RBPMS: variants seen among roughly 807,000 people sequenced by gnomAD.
RBPMS encodes RNA binding protein, mRNA processing factor.
Under a neutral mutation model 26.8 loss-of-function variants are expected in RBPMS, and 7 were observed. That is an observed-to-expected ratio of 0.26 (90% confidence interval 0.15 to 0.49). RBPMS has a LOEUF of 0.49. RBPMS is among the 20% of genes least tolerant of loss of function. The pLI is 0.98. For synonymous variants in RBPMS, 96 were observed against 93.3 expected (o/e 1.03, Z -0.17); for missense variants, 186 against 250.0 (o/e 0.74, Z 1.73).
intron 1 of RBPMS, among the ~76,000 whole-genome samples, chr8:30,420,773 C>A (rs1293439521): frequency 6.6e-6 from 1 of 152,174 alleles, no homozygotes; most frequent in African/African-American, 2.4e-5. Flanking sequence ...AAAGGAAAAT[C>A]TGTCAAGCCT....
intron 4 of RBPMS, among the ~76,000 whole-genome samples, 179 bp downstream of exon 4, chr8:30,479,556 G>T (rs1450511295): frequency 6.6e-6 from 1 of 152,152 alleles, no homozygotes; most frequent in Non-Finnish European, 1.5e-5. Flanking sequence ...CAGATATGCA[G>T]ATTATTAAAT....
At chr8:30,545,145 T>C in intron 6 of RBPMS, 1 of 1,310,640 alleles carries the variant, frequency 7.6e-7, no homozygotes, top group Non-Finnish European at 1.0e-6. Flanking sequence ...GATTAAGGGT[T>C]CCTTCTCTCC....
chr8:30,445,649 G>T (rs372117125), intron 1 of RBPMS, among the ~76,000 whole-genome samples: 3 of 107,366 alleles, frequency 2.8e-5, no homozygotes, highest in Admixed American at 9.4e-5. Flanking sequence ...TATACACACG[G>T]ATATATATAT....
Position 30,391,661 on chromosome 8 carries a change from T to C in RBPMS, c.66+6503T>C, listed in dbSNP as rs564769528. ...ATGGGGATAACTCCTCACACTCACA[T>C]CCCTAAAGTGTACCAGGAGAATATT... is the stretch of plus-strand genomic sequence containing the variant. On this transcript the variant is annotated intron_variant, in intron 1 of 8. Transcript: ENST00000397323. Among the ~76,000 whole-genome samples the C allele has an allele frequency of 1.2e-3, 179 of 152,236 alleles. 1 individual carries two copies. The highest frequency in any genetic ancestry group is 4.3e-3 in the African/African-American group (177 of 41,540).
chr8:30,451,694 T>C (rs1814607095), intron 1 of RBPMS, among the ~76,000 whole-genome samples: 1 of 152,102 alleles, frequency 6.6e-6, no homozygotes. Context: ...CTGCTAAGAA[T>C]AGAGAAAAAT....
At chr8:30,467,504 G>A (rs1002741930) in intron 1 of RBPMS, among the ~76,000 whole-genome samples, 1 of 152,158 alleles carries the variant, frequency 6.6e-6, no homozygotes. Flanking sequence ...AAGAGGGATG[G>A]CACTGCCATA....
chr8:30,472,219 A>G lies in RBPMS; in HGVS notation c.67-2560A>G, dbSNP rs770392267. 6.8e-4 allele frequency among the ~76,000 whole-genome samples: 104 copies of G among 152,242 alleles called. 1 individual carries two copies. The highest frequency in any genetic ancestry group is 1.8e-4 in the Non-Finnish European group (12 of 68,050). ...ACACTACAGAATACTTCTCAGTAAT[A>G]AAAAGGAATAGACTGTTGATACATT... is the stretch of plus-strand genomic sequence containing the variant. On this transcript the variant is annotated intron_variant, in intron 1 of 8. Coordinates refer to ENST00000397323, the MANE Select transcript of RBPMS (RefSeq NM_001008710.3).
intron 1 of RBPMS, among the ~76,000 whole-genome samples, chr8:30,389,781 A>C (rs1304383576): frequency 6.6e-6 from 1 of 152,130 alleles, no homozygotes; most frequent in Admixed American, 6.5e-5. Context: ...AGAAAAATAC[A>C]TGGATTATAA....
chr8:30,549,793 T>TCTCTCTCTCC lies in RBPMS; in HGVS notation c.528+5172_528+5173insTCTCTCCCTC, dbSNP rs1464873852. Reference sequence around the variant, plus strand: ...TTTCTTCTCTCTCTCTCTCTCTCTCTCTCCCCTCTCTCCTCTCTCTCTCTC... The same window carrying TCTCTCTCTCC: ...TTTCTTCTCTCTCTCTCTCTCTCTCTCTCTCTCTCCCTCCCCTCTCTCCTCTCTCTCTCTC... On this transcript the variant is annotated intron_variant, in intron 6 of 8. Coordinates refer to ENST00000397323, the MANE Select transcript of RBPMS (RefSeq NM_001008710.3). Among the ~76,000 whole-genome samples the TCTCTCTCTCC allele has an allele frequency of 1.1e-3, 124 of 109,428 alleles. 2 individuals carry two copies. The highest frequency in any genetic ancestry group is 4.6e-3 in the African/African-American group (114 of 24,662). 71.8% of individuals were successfully genotyped at this position (109,428 alleles called of 152,430 possible). A position where few individuals can be genotyped will look rare whatever the true frequency, so the allele number is the denominator to read the frequency against.
chr8:30,545,188 A>C, intron 6 of RBPMS: 1 of 1,295,090 alleles, frequency 7.7e-7, no homozygotes, highest in Non-Finnish European at 1.0e-6. Context: ...AAGGAGATAC[A>C]AGATAGTGTC....
chr8:30,427,110 C>T (rs914530230), intron 1 of RBPMS, among the ~76,000 whole-genome samples: 12 of 152,174 alleles, frequency 7.9e-5, no homozygotes, highest in Non-Finnish European at 1.5e-4. Context: ...TTCTGTGTGC[C>T]GTCCTCAGCC....
At chr8:30,481,140 A>G (rs1162387572) in intron 4 of RBPMS, among the ~76,000 whole-genome samples, 1 of 152,196 alleles carries the variant, frequency 6.6e-6, no homozygotes, top group East Asian at 1.9e-4. Context: ...TGTTTGTTAA[A>G]GAATAAAGAC....
At chr8:30,450,837 A>G (rs559403696) in intron 1 of RBPMS, among the ~76,000 whole-genome samples, 3 of 149,522 alleles carry the variant, frequency 2.0e-5, no homozygotes, top group Non-Finnish European at 4.4e-5. Context: ...TAAAGGAAGG[A>G]CTTTCATTTA....
chr8:30,486,397 G>C (rs931843000), intron 4 of RBPMS, among the ~76,000 whole-genome samples: 6 of 150,836 alleles, frequency 4.0e-5, no homozygotes, highest in African/African-American at 1.5e-4. Flanking sequence ...TTCAGCCCAG[G>C]TCTGTATCCA....
At chr8:30,501,773 TA>T (rs1820583163) in intron 4 of RBPMS, among the ~76,000 whole-genome samples, 5 of 152,244 alleles carry the variant, frequency 3.3e-5, no homozygotes, top group Admixed American at 3.3e-4. Flanking sequence ...CACTTGGCAG[TA>T]ATCTTATCCT....
At chr8:30,459,017 G>A (rs958448306) in intron 1 of RBPMS, among the ~76,000 whole-genome samples, 1 of 149,182 alleles carries the variant, frequency 6.7e-6, no homozygotes, top group African/African-American at 2.5e-5. Context: ...AAGCTGGGGT[G>A]CAGTGGCACG....
At chr8:30,537,135 C>T (rs1361623740) in intron 5 of RBPMS, among the ~76,000 whole-genome samples, 7 of 152,114 alleles carry the variant, frequency 4.6e-5, no homozygotes, top group Non-Finnish European at 1.0e-4. Flanking sequence ...GCTTAAGTTC[C>T]CAGAGGAACA....
chr8:30,547,999 G>A (rs982636683), intron 6 of RBPMS, among the ~76,000 whole-genome samples: 4 of 151,884 alleles, frequency 2.6e-5, no homozygotes, highest in African/African-American at 9.7e-5. Flanking sequence ...ATCAGATCCC[G>A]TTTTTTAGAA....
chr8:30,470,862 A>G (rs1207805116), intron 1 of RBPMS, among the ~76,000 whole-genome samples: 1 of 152,140 alleles, frequency 6.6e-6, no homozygotes, highest in Non-Finnish European at 1.5e-5. Context: ...CTTTTTCCCC[A>G]TGTATGACAA....
Sources: gnomAD v4.1 joint callset for allele counts (sites outside exome capture counted in the v4.1 genomes callset) on GRCh38, gnomAD v4.1.1 for gene constraint, MANE v1.5 for transcripts, NCBI Gene and HGNC (gene_info 2026-07-23, HGNC 2026-07-21) for gene names.